The following EDA variants were observed in gnomAD, a reference collection of about 807,000 sequenced individuals.
EDA encodes ectodysplasin A.
In EDA, 2 loss-of-function variants were observed where a neutral mutation model predicts 23.6. The observed-to-expected ratio is 0.08, with a 90% CI of 0.03 to 0.27. The LOEUF is 0.27. Ranked by LOEUF, EDA falls within the 10% of genes least tolerant of loss-of-function variation. The pLI is 1.00. For synonymous variants in EDA, 131 were observed against 132.0 expected (o/e 0.99, Z 0.05); for missense variants, 229 against 324.2 (o/e 0.71, Z 2.26).
intron 1 of EDA, among the ~76,000 whole-genome samples, chrX:69,766,116 C>T (rs2014462426): frequency 9.0e-6 from 1 of 111,678 alleles, no homozygotes; most frequent in Non-Finnish European, 1.9e-5. Context: ...ACGGTTTGCT[C>T]AATTGTTTGC....
At chrX:69,653,312 C>T (rs1255014652) in intron 1 of EDA, among the ~76,000 whole-genome samples, 17 of 111,388 alleles carry the variant, frequency 1.5e-4, no homozygotes, top group African/African-American at 2.0e-4. Flanking sequence ...TTGTGATTTT[C>T]GTACATTGAT....
chrX:69,732,798 A>G (rs1342533976), intron 1 of EDA, among the ~76,000 whole-genome samples: 6 of 111,910 alleles, frequency 5.4e-5, no homozygotes, highest in African/African-American at 9.7e-5. Context: ...CATTCTAACT[A>G]GTGTGAGATG....
intron 1 of EDA, among the ~76,000 whole-genome samples, chrX:69,657,487 CAT>C (rs1020305823): frequency 8.9e-5 from 10 of 112,048 alleles, no homozygotes; most frequent in African/African-American, 2.9e-4. Context: ...GTTTAAGTCT[CAT>C]GTGTCTATTT....
intron 1 of EDA, among the ~76,000 whole-genome samples, chrX:69,698,313 C>T: frequency 9.0e-6 from 1 of 111,396 alleles, no homozygotes; most frequent in Non-Finnish European, 1.9e-5. Context: ...TAGGGGAGTC[C>T]TTGGATTCTC....
chrX:69,849,372 G>A (rs1446028087), intron 1 of EDA, among the ~76,000 whole-genome samples: 2 of 111,964 alleles, frequency 1.8e-5, no homozygotes, highest in African/African-American at 6.5e-5. Context: ...GGGTGGTAGT[G>A]TCTCATTGCT....
intron 1 of EDA, among the ~76,000 whole-genome samples, chrX:69,691,127 A>G (rs761382172): frequency 3.6e-5 from 4 of 112,016 alleles, no homozygotes; most frequent in African/African-American, 1.3e-4. Flanking sequence ...GGCAGCTAGT[A>G]ACCACTATAT....
intron 1 of EDA, among the ~76,000 whole-genome samples, chrX:69,775,028 G>A (rs2014739446): frequency 9.0e-6 from 1 of 111,634 alleles, no homozygotes; most frequent in Admixed American, 9.6e-5. Context: ...GTCAATTATT[G>A]ATGAACCTTT....
intron 1 of EDA, among the ~76,000 whole-genome samples, chrX:69,822,131 T>C (rs750332849): frequency 1.8e-5 from 2 of 110,444 alleles, no homozygotes; most frequent in Non-Finnish European, 3.8e-5. Flanking sequence ...AAACACGTTT[T>C]AAAATTAGTT....
chrX:69,865,960 T>G (rs952663845), intron 1 of EDA, among the ~76,000 whole-genome samples: 3 of 112,498 alleles, frequency 2.7e-5, no homozygotes, highest in Non-Finnish European at 5.6e-5. Context: ...TGCACCAACA[T>G]GTTTTTAACA....
At chrX:69,772,247 A>T (rs1034735611) in intron 1 of EDA, among the ~76,000 whole-genome samples, 1 of 112,069 alleles carries the variant, frequency 8.9e-6, no homozygotes, top group African/African-American at 3.2e-5. Flanking sequence ...GACGTGAGCT[A>T]CTGTACCCAG....
At chrX:69,617,638 A>G (rs1932027507) in intron 1 of EDA, 1 of 288,504 alleles carries the variant, frequency 3.5e-6, no homozygotes, top group Non-Finnish European at 6.5e-6. Context: ...CTTAACGTAA[A>G]TACTGTCTTG....
At chrX:69,870,675 C>T (rs1248763170) in intron 1 of EDA, among the ~76,000 whole-genome samples, 1 of 111,571 alleles carries the variant, frequency 9.0e-6, no homozygotes, top group East Asian at 2.8e-4. Context: ...GTGTGCCCAG[C>T]TTCATCAGGG....
intron 1 of EDA, among the ~76,000 whole-genome samples, chrX:69,633,801 A>C (rs1161458996): frequency 1.8e-5 from 2 of 112,510 alleles, no homozygotes; most frequent in African/African-American, 6.5e-5. Flanking sequence ...GGGTATTATG[A>C]ATAATGCTGC....
In EDA at chrX:69,843,977, G is replaced by A. The variant is rs750699617; in HGVS notation, c.397-113050G>A. On this transcript the variant is annotated intron_variant, in intron 1 of 7. Coordinates refer to ENST00000374552, the MANE Select transcript of EDA (RefSeq NM_001399.5). ...GCAGAGCTTGCAGTGAGCCGAGATC[G>A]CGCCACTGCACTCCAGCCTGGGCGA... Among the ~76,000 whole-genome samples the A allele has an allele frequency of 7.1e-5, 7 of 98,681 alleles. No homozygotes were observed. In the South Asian group the frequency reaches 2.1e-3, roughly 30 times the overall value. 85.7% of individuals were successfully genotyped at this position (98,681 alleles called of 115,157 possible). A position where few individuals can be genotyped will look rare whatever the true frequency, so the allele number is the denominator to read the frequency against.
At chrX:70,009,127 G>A (rs771557624) in intron 2 of EDA, among the ~76,000 whole-genome samples, 2 of 111,274 alleles carry the variant, frequency 1.8e-5, no homozygotes, top group South Asian at 3.8e-4. Flanking sequence ...AGTGATGGCA[G>A]CCCCTCTGTC....
At chrX:70,032,567 T>C (rs2020215082) in intron 6 of EDA, among the ~76,000 whole-genome samples, 1 of 111,723 alleles carries the variant, frequency 9.0e-6, no homozygotes, top group Admixed American at 9.5e-5. Context: ...CATTCCTCTT[T>C]CTGCAGGATG....
chrX:69,992,353 C>A (rs1161359199), intron 2 of EDA, among the ~76,000 whole-genome samples: 1 of 112,126 alleles, frequency 8.9e-6, no homozygotes, highest in African/African-American at 3.2e-5. Context: ...GAACCAGAAC[C>A]CTGACTTACA....
intron 1 of EDA, among the ~76,000 whole-genome samples, chrX:69,879,320 T>G (rs975346304): frequency 1.8e-5 from 2 of 112,347 alleles, no homozygotes; most frequent in Non-Finnish European, 3.8e-5. Flanking sequence ...TCCTTTCCTA[T>G]TCCTTGTTGC....
intron 1 of EDA, among the ~76,000 whole-genome samples, chrX:69,645,636 G>GTGTGTATATA (rs1932912446): frequency 1.2e-5 from 1 of 85,503 alleles, no homozygotes; most frequent in Non-Finnish European, 2.2e-5. Flanking sequence ...ATATATATAT[G>GTGTGTATATA]TATAAAATAC....
Sources: allele counts gnomAD v4.1 joint callset (sites outside exome capture counted in the v4.1 genomes callset), GRCh38; gene constraint gnomAD v4.1.1; transcripts MANE v1.5; gene names NCBI Gene and HGNC (gene_info 2026-07-23, HGNC 2026-07-21).